Variants in RAPGEF2 observed in about 807,000 individuals in gnomAD.
The protein encoded by RAPGEF2 is PDZ domain containing guanine nucleotide exchange factor (GEF) 1.
Under a neutral mutation model 186.7 loss-of-function variants are expected in RAPGEF2, and 54 were observed. The ratio of observed to expected loss-of-function variants is 0.29; its 90% CI spans 0.23 to 0.36. The LOEUF (loss-of-function observed/expected upper bound fraction) is 0.36, where lower values mean the gene tolerates loss of function less well. Among genes scored for constraint, RAPGEF2 ranks in the 10% least tolerant of loss-of-function variants. RAPGEF2 has a pLI of 1.00. For missense variants in RAPGEF2, 1,532 were observed against 2,045.0 expected, an observed-to-expected ratio of 0.75 and a Z score of 4.84; for synonymous variants, 712 against 705.9, an observed-to-expected ratio of 1.01 and a Z score of -0.14.
intron 7 of RAPGEF2, among the ~76,000 whole-genome samples, chr4:159,270,218 AG>A (rs907073551): frequency 6.6e-6 from 1 of 152,206 alleles, no homozygotes; most frequent in Admixed American, 6.5e-5. Context: ...ATTGTTGACT[AG>A]TCCTTTGGTT....
At chr4:159,142,072 T>G (rs955366075) in intron 1 of RAPGEF2, among the ~76,000 whole-genome samples, 4 of 152,198 alleles carry the variant, frequency 2.6e-5, no homozygotes, top group African/African-American at 7.2e-5. Flanking sequence ...CATCTAAGAT[T>G]GTAGGAATAG....
chr4:159,339,936 A>G (rs1729155177), intron 19 of RAPGEF2, among the ~76,000 whole-genome samples: 1 of 152,210 alleles, frequency 6.6e-6, no homozygotes, highest in Admixed American at 6.5e-5. Context: ...CCTTTGCTGC[A>G]GAAGTGCTTA....
At chr4:159,241,973 C>A (rs77841540) in intron 6 of RAPGEF2, among the ~76,000 whole-genome samples, 2,100 of 152,116 alleles carry the variant, frequency 0.014, 67 homozygotes, top group African/African-American at 0.048. Flanking sequence ...TGTAAAGATG[C>A]TTAGAAATAT....
chr4:159,266,059 T>A (rs1757388852), intron 7 of RAPGEF2, among the ~76,000 whole-genome samples: 1 of 152,100 alleles, frequency 6.6e-6, no homozygotes, highest in African/African-American at 2.4e-5. Flanking sequence ...TGGAGAATGA[T>A]TCTGTTTTTG....
At chr4:159,331,298 A>G (rs1165516676) in intron 13 of RAPGEF2, 133 bp from the exon 14 acceptor site, 3 of 580,076 alleles carry the variant, frequency 5.2e-6, no homozygotes, top group South Asian at 5.4e-5. Context: ...TTAAGATTTT[A>G]TTATTGTTAA....
intron 1 of RAPGEF2, among the ~76,000 whole-genome samples, chr4:159,128,101 T>C (rs1474879174): frequency 6.6e-6 from 1 of 152,224 alleles, no homozygotes; most frequent in Non-Finnish European, 1.5e-5. Context: ...ATGTACCTTA[T>C]AACCTTTCTT....
intron 4 of RAPGEF2, among the ~76,000 whole-genome samples, chr4:159,215,615 A>C (rs1750927509): frequency 6.6e-6 from 1 of 152,236 alleles, no homozygotes; most frequent in African/African-American, 2.4e-5. Context: ...TAGAAGTCTC[A>C]AAGGAAGGGC....
intron 7 of RAPGEF2, among the ~76,000 whole-genome samples, chr4:159,249,264 T>A (rs1354675280): frequency 6.6e-6 from 1 of 151,248 alleles, no homozygotes; most frequent in African/African-American, 2.4e-5. Context: ...CAGAGCTACA[T>A]GCTGATTTTA....
chr4:159,125,510 G>A (rs1038177887), intron 1 of RAPGEF2, among the ~76,000 whole-genome samples: 5 of 152,104 alleles, frequency 3.3e-5, no homozygotes, highest in Non-Finnish European at 1.5e-5. Context: ...TGTAATCGTA[G>A]CACTTTGAGA....
chr4:159,109,643 A>G (rs1372893357), intron 1 of RAPGEF2, among the ~76,000 whole-genome samples: 1 of 152,238 alleles, frequency 6.6e-6, no homozygotes, highest in Non-Finnish European at 1.5e-5. Flanking sequence ...TGTTATAAGT[A>G]GATTGTAATT....
At chr4:159,196,885 G>C (rs1213353804) in intron 3 of RAPGEF2, among the ~76,000 whole-genome samples, 1 of 152,202 alleles carries the variant, frequency 6.6e-6, no homozygotes, top group African/African-American at 2.4e-5. Context: ...GGGGAACATT[G>C]TGATTCTGAT....
intron 18 of RAPGEF2, 65 bp from the exon 19 acceptor site, chr4:159,339,049 G>C: frequency 6.5e-7 from 1 of 1,543,978 alleles, no homozygotes. Flanking sequence ...TGATTACTTT[G>C]CTTAATTGCA....
At chr4:159,298,114 A>G (rs1762236289) in intron 7 of RAPGEF2, among the ~76,000 whole-genome samples, 1 of 152,220 alleles carries the variant, frequency 6.6e-6, no homozygotes, top group Non-Finnish European at 1.5e-5. Flanking sequence ...CTTATAAAGC[A>G]TAGTTACATC....
chr4:159,317,231 A>G lies in RAPGEF2; in HGVS notation c.853+2463A>G, dbSNP rs530895838. Reference sequence around the variant, plus strand: ...ATTCAACATTTAATTGAAGTAATTTATGGGAATTGCTAACTCTTTATAGAT... The same window carrying G: ...ATTCAACATTTAATTGAAGTAATTTGTGGGAATTGCTAACTCTTTATAGAT... On this transcript the variant is annotated intron_variant, in intron 9 of 29. Transcript: ENST00000691494. 2.2e-4 allele frequency among the ~76,000 whole-genome samples: 33 copies of G among 152,320 alleles called. No individual in the cohort carries two copies. The South Asian group carries it at 6.6e-3, about 31-fold the overall frequency.
chr4:159,228,774 A>G (rs1752307065), intron 4 of RAPGEF2, among the ~76,000 whole-genome samples: 1 of 152,250 alleles, frequency 6.6e-6, no homozygotes, highest in Non-Finnish European at 1.5e-5. Context: ...GATTTTTAAC[A>G]TAGCTGTTAC....
intron 9 of RAPGEF2, among the ~76,000 whole-genome samples, chr4:159,320,406 G>GT (rs1249454128): frequency 2.6e-5 from 4 of 152,132 alleles, no homozygotes; most frequent in African/African-American, 9.7e-5. Flanking sequence ...AGAAATAAAA[G>GT]TTTCATGAAA....
At chr4:159,139,788 T>G (rs1742116183) in intron 1 of RAPGEF2, among the ~76,000 whole-genome samples, 1 of 152,200 alleles carries the variant, frequency 6.6e-6, no homozygotes, top group Admixed American at 6.5e-5. Context: ...CATAAACAAC[T>G]TTTGCATCCT....
intron 7 of RAPGEF2, among the ~76,000 whole-genome samples, chr4:159,274,978 C>T (rs909616562): frequency 6.6e-6 from 1 of 152,002 alleles, no homozygotes; most frequent in Non-Finnish European, 1.5e-5. Flanking sequence ...AATCACTTGT[C>T]ACTCTCTGCC....
At chr4:159,252,304 C>T (rs917364573) in intron 7 of RAPGEF2, among the ~76,000 whole-genome samples, 20 of 152,164 alleles carry the variant, frequency 1.3e-4, no homozygotes, top group African/African-American at 4.6e-4. Context: ...CCTGCCTTGG[C>T]CTCCCAAAGT....
Sources: gnomAD v4.1 joint callset for allele counts (sites outside exome capture counted in the v4.1 genomes callset) on GRCh38, gnomAD v4.1.1 for gene constraint, MANE v1.5 for transcripts, NCBI Gene and HGNC (gene_info 2026-07-23, HGNC 2026-07-21) for gene names.